CPSF3: variants seen among roughly 807,000 people sequenced by gnomAD.
CPSF3 encodes the protein cleavage and polyadenylation specific factor 3, also known as cleavage and polyadenylation specificity factor subunit 3.
CPSF3 carries 57 observed loss-of-function variants against 84.1 expected under a neutral mutation model. The ratio of observed to expected loss-of-function variants is 0.68; its 90% confidence interval spans 0.55 to 0.85. The LOEUF is 0.85. Among genes scored for constraint, CPSF3 ranks in the 40% least tolerant of loss-of-function variants. The probability of loss-of-function intolerance (pLI) is 0.00; values close to 1 mark genes in which losing one functional copy is unlikely to be tolerated. For missense variants in CPSF3, 522 were observed against 838.8 expected (o/e 0.62, Z 4.66); for synonymous variants, 275 against 278.1 (o/e 0.99, Z 0.11).
At chr2:9,456,529 G>A (rs1229372741) in intron 13 of CPSF3, among the ~76,000 whole-genome samples, 3 of 152,154 alleles carry the variant, frequency 2.0e-5, no homozygotes, top group Non-Finnish European at 4.4e-5. Context: ...GACCAGAAAA[G>A]TCTCTTCAAC....
rs565813282 is a variant in CPSF3, at chr2:9,466,342, G to A, written c.1787-1365G>A. ...CACGCACACAGACGCACGCACACAC[G>A]CGCGCGCGCGCACACACACACGCAC... On this transcript the variant is annotated intron_variant, in intron 15 of 17. Coordinates refer to ENST00000238112, the MANE Select transcript of CPSF3 (RefSeq NM_016207.4). Among the ~76,000 whole-genome samples the A allele has an allele frequency of 1.8e-3, 164 of 89,174 alleles. 1 individual carries two copies. The South Asian group carries it at 0.047, about 26-fold the overall frequency. The allele number at this position is 89,174 out of a possible 152,430, so 58.5% of individuals were successfully genotyped here.
chr2:9,457,104 T>C, intron 14 of CPSF3, 77 bp downstream of exon 14: 2 of 802,432 alleles, frequency 2.5e-6, no homozygotes, highest in South Asian at 1.7e-5. Context: ...GTAGAGAAAA[T>C]TAGTTTCTTC....
intron 3 of CPSF3, 77 bp from the exon 4 acceptor site, chr2:9,430,675 C>A: frequency 7.2e-7 from 1 of 1,382,664 alleles, no homozygotes; most frequent in Non-Finnish European, 9.9e-7. Flanking sequence ...TTGTTTTGTA[C>A]AGTAAGCAAC....
At chr2:9,434,901 C>T (rs938442172) in intron 6 of CPSF3, among the ~76,000 whole-genome samples, 3 of 152,166 alleles carry the variant, frequency 2.0e-5, no homozygotes, top group African/African-American at 7.2e-5. Flanking sequence ...TACCATGTTC[C>T]CCAGCTGCCC....
chr2:9,454,499 T>C (rs1681447042), intron 12 of CPSF3, among the ~76,000 whole-genome samples: 1 of 151,658 alleles, frequency 6.6e-6, no homozygotes, highest in African/African-American at 2.4e-5. Context: ...GGTCACTGTC[T>C]GACTTGTGCC....
rs1680195799 is a variant in CPSF3 at position 9,423,666 on chromosome 2, C to G, written c.-108C>G. On this transcript the variant is annotated 5_prime_UTR_variant, in exon 1 of 18. Coordinates refer to ENST00000238112, the MANE Select transcript of CPSF3 (RefSeq NM_016207.4). ...GCTCCGGAGTGACGGAAGTTGTGCT[C>G]TTGGTGAATGGGGTTCTTCCTTTTT... 7.1e-7 allele frequency: 1 copy of G among 1,416,952 alleles called. No homozygotes were observed. The highest frequency in any genetic ancestry group is 9.6e-7 in the Non-Finnish European group (1 of 1,044,308). 87.8% of individuals were successfully genotyped at this position (1,416,952 alleles called of 1,614,324 possible).
intron 15 of CPSF3, 58 bp from the exon 16 acceptor site, chr2:9,467,648 GA>G: frequency 7.8e-7 from 1 of 1,282,870 alleles, no homozygotes; most frequent in Non-Finnish European, 1.1e-6. Flanking sequence ...TATTGATTTG[GA>G]AATTATTCTG....
At chr2:9,424,594 G>T (rs1680283742) in intron 1 of CPSF3, 1 of 152,232 alleles carries the variant, frequency 6.6e-6, no homozygotes, top group Non-Finnish European at 1.5e-5. Flanking sequence ...AAGGTAGAAA[G>T]TATCTCCTTT....
At chr2:9,434,337 C>T (rs569082612) in intron 6 of CPSF3, among the ~76,000 whole-genome samples, 33 of 151,210 alleles carry the variant, frequency 2.2e-4, no homozygotes, top group African/African-American at 7.8e-4. Context: ...CTGCTGCACT[C>T]GAGCCTGGGC....
chr2:9,447,960 G>A (rs1239087220), intron 10 of CPSF3, among the ~76,000 whole-genome samples: 2 of 152,186 alleles, frequency 1.3e-5, no homozygotes, highest in Non-Finnish European at 2.9e-5. Context: ...AAAGACTGGA[G>A]TAGAAAAGAA....
Position 9,448,560 on chromosome 2 carries a change from T to TG in CPSF3, c.1395+210_1395+211insG, listed in dbSNP as rs1558457863. Among the ~76,000 whole-genome samples, 10 of 151,998 alleles carry TG rather than the reference T, an allele frequency of 6.6e-5. No individual in the cohort carries two copies. In the South Asian group the frequency reaches 1.2e-3, roughly 19 times the overall value. ...AAAATGTTCAGCTAGATTAGATTTT[T>TG]TGTGTGTGTGTGTGTGAGACGGAGT... On this transcript the variant is annotated intron_variant, in intron 11 of 17. Coordinates refer to ENST00000238112, the MANE Select transcript of CPSF3 (RefSeq NM_016207.4).
In CPSF3 at chr2:9,464,069, A is replaced by ATGTG. The variant is rs59473921; in HGVS notation, c.1787-3618_1787-3615dup. The stretch of plus-strand genomic sequence containing the variant: ...CAACTTGTATTTGTATCTGTGGTGT[A>ATGTG]TGTGTGTGTGTGTGTGTGTGTGTCT... On this transcript the variant is annotated intron_variant, in intron 15 of 17. Transcript: ENST00000238112. Among the ~76,000 whole-genome samples, 434 of 149,212 alleles carry ATGTG rather than the reference A, an allele frequency of 2.9e-3. 1 individual carries two copies. Among genetic ancestry groups the ATGTG allele is most frequent in the Non-Finnish European group, 4.4e-3 (295 of 67,130 alleles).
intron 10 of CPSF3, among the ~76,000 whole-genome samples, chr2:9,445,967 C>T (rs1013092886): frequency 2.6e-5 from 4 of 152,282 alleles, no homozygotes; most frequent in Middle Eastern, 3.4e-3. Flanking sequence ...TCTTCATGAC[C>T]GACAGCTGTT....
Position 9,441,911 on chromosome 2 carries a change from T to C in CPSF3, c.1030T>C (p.Trp344Arg), listed in dbSNP as rs1680968406. ...SGLSRELFES[W>R]CTDKRNGVII... Reference sequence around the variant, plus strand: ...CTTATCCAGAGAATTATTTGAAAGCTGGTGTACTGATAAGAGGAATGGTGT... The same window carrying C: ...CTTATCCAGAGAATTATTTGAAAGCCGGTGTACTGATAAGAGGAATGGTGT... The change falls in exon 9 of 18, where the codon TGG becomes CGG. Residue 344 changes from tryptophan (W) to arginine (R), a missense_variant. Physicochemically the swap from Trp to Arg is moderately radical, Grantham distance 101. Transcript: ENST00000238112. 2 of 1,614,192 alleles carry C rather than the reference T, an allele frequency of 1.2e-6. No individual in the cohort carries two copies. Among genetic ancestry groups the C allele is most frequent in the South Asian group, 2.2e-5 (2 of 91,092 alleles).
intron 15 of CPSF3, among the ~76,000 whole-genome samples, chr2:9,464,588 T>C (rs1031377541): frequency 6.6e-6 from 1 of 152,060 alleles, no homozygotes; most frequent in African/African-American, 2.4e-5. Flanking sequence ...ATTTTTATTT[T>C]TATTTTACTT....
intron 15 of CPSF3, among the ~76,000 whole-genome samples, chr2:9,463,149 T>C (rs1186797914): frequency 6.6e-6 from 1 of 152,216 alleles, no homozygotes; most frequent in Admixed American, 6.5e-5. Flanking sequence ...GGTTTGGAGT[T>C]GGGCAGATCC....
rs1410266255 is a variant in CPSF3, at chr2:9,439,518, C to A, written c.761-973C>A. On this transcript the variant is annotated intron_variant, in intron 7 of 17. Transcript: ENST00000238112. Reference sequence around the variant, plus strand: ...TTACAGATGTAAATTATATAATAGGCATATAATACATTTTCAAACTGCAGA... The same window carrying A: ...TTACAGATGTAAATTATATAATAGGAATATAATACATTTTCAAACTGCAGA... Among the ~76,000 whole-genome samples, 4 of 150,904 alleles carry A rather than the reference C, an allele frequency of 2.7e-5. No homozygotes were observed. The East Asian group carries it at 7.7e-4, about 29-fold the overall frequency.
At chr2:9,463,632 A>C (rs1194000718) in intron 15 of CPSF3, among the ~76,000 whole-genome samples, 4 of 152,238 alleles carry the variant, frequency 2.6e-5, no homozygotes, top group African/African-American at 9.6e-5. Flanking sequence ...AAGAACTGGT[A>C]CATGTGACAC....
chr2:9,450,144 CA>C (rs1491434963), intron 11 of CPSF3, among the ~76,000 whole-genome samples: 1 of 142,274 alleles, frequency 7.0e-6, no homozygotes, highest in South Asian at 2.3e-4. Flanking sequence ...ACTACAGGCA[CA>C]AATTTTTTTT....
Sources: allele counts gnomAD v4.1 joint callset (sites outside exome capture counted in the v4.1 genomes callset), GRCh38; gene constraint gnomAD v4.1.1; transcripts MANE v1.5; gene names NCBI Gene and HGNC (gene_info 2026-07-23, HGNC 2026-07-21).